ARFGEF3: variants seen among roughly 807,000 people sequenced by gnomAD.
ARFGEF3 encodes ARFGEF family member 3.
A neutral mutation model predicts 221.7 loss-of-function variants in ARFGEF3; 96 were observed. The ratio of observed to expected loss-of-function variants is 0.43; its 90% CI spans 0.37 to 0.51. ARFGEF3 has a LOEUF of 0.51. ARFGEF3 is among the 20% of genes least tolerant of loss of function. The pLI is 0.00. For synonymous variants in ARFGEF3, 1,145 were observed against 1,126.8 expected, an observed-to-expected ratio of 1.02 and a Z score of -0.32; for missense variants, 2,410 against 2,789.9, an observed-to-expected ratio of 0.86 and a Z score of 3.07.
At chr6:138,240,057 T>C (rs1479310714) in intron 6 of ARFGEF3, among the ~76,000 whole-genome samples, 2 of 152,194 alleles carry the variant, frequency 1.3e-5, no homozygotes, top group African/African-American at 4.8e-5. Context: ...CTGTTTGCTG[T>C]ATCCAAAGCC....
intron 12 of ARFGEF3, among the ~76,000 whole-genome samples, chr6:138,264,459 A>T (rs1778850266): frequency 6.6e-6 from 1 of 152,232 alleles, no homozygotes; most frequent in African/African-American, 2.4e-5. Context: ...TCTCTTGACC[A>T]CAGAATACTG....
chr6:138,337,362 A>C lies in ARFGEF3; in HGVS notation c.*876A>C. On this transcript the variant is annotated 3_prime_UTR_variant, in exon 34 of 34. Transcript: ENST00000251691. ...AAAAGGTGCCTTAGTCCTTTGTTGC[A>C]CTTCCATTTCCATGCCCCACAATTG... 6.6e-6 allele frequency: 1 copy of C among 152,642 alleles called. No individual in the cohort carries two copies. The highest frequency in any genetic ancestry group is 1.5e-5 in the Non-Finnish European group (1 of 68,048). 9.5% of individuals were successfully genotyped at this position (152,642 alleles called of 1,614,324 possible).
At chr6:138,193,178 C>T (rs972156772) in intron 2 of ARFGEF3, among the ~76,000 whole-genome samples, 15 of 152,176 alleles carry the variant, frequency 9.9e-5, no homozygotes, top group African/African-American at 3.6e-4. Context: ...GGCTGCTCCA[C>T]GAACCCCCTC....
At position 138,278,116 on chromosome 6, in the gene ARFGEF3, G is replaced by A. The variant is rs148217738; in HGVS notation, c.2129-335G>A. Among the ~76,000 whole-genome samples the A allele has an allele frequency of 3.9e-3, 599 of 152,262 alleles. 1 individual carries two copies. Among genetic ancestry groups the A allele is most frequent in the African/African-American group, 0.014 (570 of 41,538 alleles). ...TATTACATTGTGATAGGGAGCCACC[G>A]GAGGGCTCAAGCTAGGGATAGAATG... On this transcript the variant is annotated intron_variant, in intron 12 of 33. Transcript: ENST00000251691.
chr6:138,172,564 A>G (rs1300715033), intron 2 of ARFGEF3, among the ~76,000 whole-genome samples: 1 of 152,210 alleles, frequency 6.6e-6, no homozygotes, highest in African/African-American at 2.4e-5. Flanking sequence ...CAAGTTATGT[A>G]GTTTTAACTT....
At chr6:138,180,051 G>A (rs1232937660) in intron 2 of ARFGEF3, among the ~76,000 whole-genome samples, 1 of 152,148 alleles carries the variant, frequency 6.6e-6, no homozygotes, top group African/African-American at 2.4e-5. Context: ...GGCTTCAAGC[G>A]ATCCTCCCAC....
intron 24 of ARFGEF3, 50 bp from the exon 25 acceptor site, chr6:138,311,357 G>A (rs1779824395): frequency 8.6e-7 from 1 of 1,169,102 alleles, no homozygotes; most frequent in Non-Finnish European, 1.3e-6. Context: ...TGTTACAGGG[G>A]GGCACGCAAG....
At position 138,321,107 on chromosome 6, in the gene ARFGEF3, A is replaced by G. The variant is rs191264420; in HGVS notation, c.4652-4A>G. 11 of 1,538,218 alleles carry G rather than the reference A, an allele frequency of 7.2e-6. No homozygotes were observed. Among genetic ancestry groups the G allele is most frequent in the African/African-American group, 2.7e-5 (2 of 72,960 alleles). Reference sequence around the variant, plus strand: ...TGAAACTGTGATTTTGCTGTTTCCCATAGATATCAGGTACGAGAGCATGAT... The same window carrying G: ...TGAAACTGTGATTTTGCTGTTTCCCGTAGATATCAGGTACGAGAGCATGAT... On this transcript the variant is annotated splice_polypyrimidine_tract_variant and splice_region_variant and intron_variant, in intron 28 of 33. Transcript: ENST00000251691.
chr6:138,205,345 C>G (rs1427889681), intron 2 of ARFGEF3, among the ~76,000 whole-genome samples: 1 of 152,184 alleles, frequency 6.6e-6, no homozygotes. Context: ...ATTGGCCAAT[C>G]TGACTCCAAC....
intron 29 of ARFGEF3, among the ~76,000 whole-genome samples, chr6:138,322,393 G>T (rs1780048641): frequency 6.6e-6 from 1 of 151,994 alleles, no homozygotes; most frequent in South Asian, 2.1e-4. Context: ...CCTCTCACGG[G>T]GTCCCTCCCA....
Position 138,338,801 on chromosome 6 carries a change from A to T in ARFGEF3, c.*2315A>T, listed in dbSNP as rs1255302602. 5.5e-4 allele frequency: 74 copies of T among 133,350 alleles called. No individual in the cohort carries two copies. Among genetic ancestry groups the T allele is most frequent in the African/African-American group, 2.0e-3 (71 of 36,058 alleles). The allele number at this position is 133,350 out of a possible 1,614,324, so 8.3% of individuals were successfully genotyped here. On this transcript the variant is annotated 3_prime_UTR_variant, in exon 34 of 34. Transcript: ENST00000251691. ...GGTGACAAGAGTGAAACTCCATCTA[A>T]AAAAAAAAAAAAAAAAAAGTGAATA...
intron 12 of ARFGEF3, among the ~76,000 whole-genome samples, chr6:138,267,708 A>G (rs1232976918): frequency 2.0e-5 from 3 of 152,224 alleles, no homozygotes; most frequent in Non-Finnish European, 4.4e-5. Context: ...TTTATAGTAC[A>G]TGCAAAACAG....
chr6:138,171,250 T>C (rs539588668), intron 2 of ARFGEF3, among the ~76,000 whole-genome samples: 18 of 151,696 alleles, frequency 1.2e-4, no homozygotes, highest in Non-Finnish European at 2.6e-4. Flanking sequence ...GTGAACCTGA[T>C]TGCATTCGCT....
intron 14 of ARFGEF3, among the ~76,000 whole-genome samples, chr6:138,284,494 A>G (rs1006873192): frequency 6.6e-6 from 1 of 152,200 alleles, no homozygotes; most frequent in African/African-American, 2.4e-5. Flanking sequence ...CAGGGCTACA[A>G]GGCTGCTTAA....
At chr6:138,229,734 TC>T (rs1430564032) in intron 4 of ARFGEF3, 49 bp from the exon 5 acceptor site, 1 of 1,400,790 alleles carries the variant, frequency 7.1e-7, no homozygotes, top group Non-Finnish European at 1.0e-6. Context: ...ACAGTGAATT[TC>T]CATACTGTTA....
In ARFGEF3 at chr6:138,285,961, A is replaced by T. The variant is rs757313301; in HGVS notation, c.2477A>T (p.Glu826Val). The change falls in exon 15 of 34, where the codon GAG (glutamate) becomes GTG (valine). Residue 826 changes from glutamate (E) to valine (V), a missense_variant. By Grantham distance (121) the Glu-to-Val change is moderately radical. This residue lies in a region of ARFGEF3 where 594 missense variants were observed against 734.3 expected (regional missense o/e 0.81). Coordinates refer to ENST00000251691, the MANE Select transcript of ARFGEF3 (RefSeq NM_020340.5). ...ITMLTDIDGL[E>V]SSAIGGQLMA... ...TCCTTGACAGATATTGACGGCTTAG[A>T]GAGCAGTGCCATTGGTGGCCAGCTG... The T allele has an allele frequency of 6.2e-7, 1 of 1,610,680 alleles. No individual in the cohort carries two copies. The highest frequency in any genetic ancestry group is 8.5e-7 in the Non-Finnish European group (1 of 1,178,292).
chr6:138,311,455 C>G lies in ARFGEF3; in HGVS notation c.4145C>G (p.Ala1382Gly), dbSNP rs766841274. 7.5e-6 allele frequency: 12 copies of G among 1,608,774 alleles called. No individual in the cohort carries two copies. The highest frequency in any genetic ancestry group is 8.5e-6 in the Non-Finnish European group (10 of 1,177,958). The change falls in exon 25 of 34, where the codon GCC becomes GGC. Residue 1382 changes from alanine (A) to glycine (G), a missense_variant. Physicochemically the swap from Ala to Gly is moderately conservative, Grantham distance 60. This residue lies in a region of ARFGEF3 where 723 missense variants were observed against 991.9 expected (regional missense o/e 0.73). Coordinates refer to ENST00000251691, the MANE Select transcript of ARFGEF3 (RefSeq NM_020340.5). ...EIGDCAPAPG[A>G]PSTDLCLPAL... ...GGAGACTGTGCCCCAGCACCCGGAG[C>G]CCCGTCCACAGACCTGTGCCTCCCG... is the stretch of plus-strand genomic sequence containing the variant.
intron 4 of ARFGEF3, chr6:138,217,829 G>C (rs925883309): frequency 9.7e-7 from 1 of 1,031,550 alleles, no homozygotes; most frequent in Admixed American, 3.3e-5. Context: ...TTGTATTTTA[G>C]AATTGAAATA....
chr6:138,240,187 TTTAAAAGAAA>T (rs1303030158), intron 6 of ARFGEF3, among the ~76,000 whole-genome samples: 1 of 152,126 alleles, frequency 6.6e-6, no homozygotes. Flanking sequence ...GAATATTTAG[TTTAAAAGAAA>T]TTAAAATACA....
Sources: allele counts gnomAD v4.1 joint callset (sites outside exome capture counted in the v4.1 genomes callset), GRCh38; gene constraint gnomAD v4.1.1; regional missense constraint gnomAD v4.1.1; transcripts MANE v1.5; gene names NCBI Gene and HGNC (gene_info 2026-07-23, HGNC 2026-07-21).